Variants in MGAT4D observed in about 807,000 individuals in gnomAD.
MGAT4D encodes the protein MGAT4 family member D.
MGAT4D carries 34 observed loss-of-function variants against 15.9 expected under a neutral mutation model. The observed-to-expected ratio is 2.14, with a 90% CI of 1.62 to 2.84. MGAT4D has a LOEUF of 2.84. Among genes scored for constraint, MGAT4D ranks in the 30% most tolerant of loss-of-function variants. The probability of loss-of-function intolerance (pLI) is 0.00; values close to 1 mark genes in which losing one functional copy is unlikely to be tolerated. For synonymous variants in MGAT4D, 112 were observed against 48.2 expected, an observed-to-expected ratio of 2.33 and a Z score of -5.49; for missense variants, 327 against 140.2, an observed-to-expected ratio of 2.33 and a Z score of -6.73.
intron 5 of MGAT4D, among the ~76,000 whole-genome samples, chr4:140,466,284 C>T (rs1594468): frequency 0.25 from 38,175 of 151,910 alleles, 4,915 homozygotes; most frequent in South Asian, 0.38. Flanking sequence ...GAAGGTGAAC[C>T]TAACTGACAA....
chr4:140,456,054 C>A (rs1730774842), intron 9 of MGAT4D, among the ~76,000 whole-genome samples: 1 of 152,058 alleles, frequency 6.6e-6, no homozygotes, highest in South Asian at 2.1e-4. Context: ...GGAGGATCAC[C>A]TGAGCCCAGG....
chr4:140,498,091 CGGCGGGAAAGGA>C, intron 1 of MGAT4D, 26 bp downstream of exon 1: 1 of 694,576 alleles, frequency 1.4e-6, no homozygotes, highest in South Asian at 1.5e-5. Flanking sequence ...GAAGCCCCCG[CGGCGGGAAAGGA>C]GGCGGGAGGA....
intron 10 of MGAT4D, among the ~76,000 whole-genome samples, 191 bp from the exon 11 acceptor site, chr4:140,443,635 T>C (rs1199549955): frequency 6.6e-6 from 1 of 152,112 alleles, no homozygotes; most frequent in Non-Finnish European, 1.5e-5. Flanking sequence ...TATTAGACAA[T>C]GCCAATTTTA....
intron 10 of MGAT4D, 50 bp downstream of exon 10, chr4:140,451,360 T>C: frequency 2.0e-6 from 1 of 509,806 alleles, no homozygotes; most frequent in East Asian, 3.1e-5. Flanking sequence ...TAGTATTTTA[T>C]AAGTTTATAA....
In MGAT4D at chr4:140,443,271, T is replaced by G. The variant is rs781686478; in HGVS notation, c.*165A>C. The G allele has an allele frequency of 3.3e-6, 1 of 303,648 alleles. No individual in the cohort carries two copies. The highest frequency in any genetic ancestry group is 6.0e-6 in the Non-Finnish European group (1 of 166,454). 18.8% of individuals were successfully genotyped at this position (303,648 alleles called of 1,614,324 possible). The stretch of plus-strand genomic sequence containing the variant: ...AGCAATATAAATGTTCTACCTTGTC[T>G]TGACATAAGAAGTCATTTAGTACTT... On this transcript the variant is annotated 3_prime_UTR_variant, in exon 11 of 11. Transcript: ENST00000511113.
chr4:140,451,416 A>C lies in MGAT4D; in HGVS notation c.1110T>G (p.Tyr370Ter), dbSNP rs1310894249. The C allele has an allele frequency of 5.0e-6, 3 of 596,280 alleles. No homozygotes were observed. The allele number at this position is 596,280 out of a possible 1,614,324, so 36.9% of individuals were successfully genotyped here. A position where few individuals can be genotyped will look rare whatever the true frequency, so the allele number is the denominator to read the frequency against. ...IHSSFPRKEQ[Y>*]EKKI ...TTACATTTCAAAATCTTACTTTTTCATATTGTTCTTTTCTAGGGAATGATG... is the reference window on the plus strand; with the variant it reads ...TTACATTTCAAAATCTTACTTTTTCCTATTGTTCTTTTCTAGGGAATGATG... The change falls in exon 10 of 11, where the codon TAT becomes TAG. Residue 370 changes from tyrosine (Y) to a stop codon, truncating the protein, a stop_gained. Coordinates refer to ENST00000511113, the MANE Select transcript of MGAT4D (RefSeq NM_001277353.2). LOFTEE classifies it high-confidence loss of function.
At chr4:140,455,317 C>A (rs1241230298) in intron 9 of MGAT4D, among the ~76,000 whole-genome samples, 3 of 152,158 alleles carry the variant, frequency 2.0e-5, no homozygotes, top group South Asian at 2.1e-4. Flanking sequence ...TTTGAAACTT[C>A]TTCCTTCACC....
At chr4:140,450,344 G>A (rs760547180) in intron 10 of MGAT4D, among the ~76,000 whole-genome samples, 4 of 151,910 alleles carry the variant, frequency 2.6e-5, no homozygotes, top group Middle Eastern at 3.2e-3. Flanking sequence ...AAAGAATCCC[G>A]TTATAATAGC....
chr4:140,479,634 G>GA lies in MGAT4D; in HGVS notation c.254-8dup, dbSNP rs112616154. On this transcript the variant is annotated splice_polypyrimidine_tract_variant and splice_region_variant and intron_variant, in intron 2 of 10. Coordinates refer to ENST00000511113, the MANE Select transcript of MGAT4D (RefSeq NM_001277353.2). ...ATGTCTGCTTTCTGTGCAACTGAAA[G>GA]AAAAAAATAATGCTTCTGAGTATAT... 0.11 allele frequency: 49,184 copies of GA among 441,818 alleles called. 3,762 individuals carry two copies. Among genetic ancestry groups the GA allele is most frequent in the East Asian group, 0.3 (8,421 of 28,162 alleles). The allele number at this position is 441,818 out of a possible 1,614,324, so 27.4% of individuals were successfully genotyped here.
rs760433302 is a variant in MGAT4D, at chr4:140,464,961, A to G, written c.621T>C (p.Pro207=). The part of the protein sequence containing the change: ...RSGSLEVISI[P]AFLYSSMLNA... Reference sequence around the variant, plus strand: ...TTAACATGCTTGAGTATAAAAAGGCAGGTATTGAAATGACCTCTAAGGATC... The same window carrying G: ...TTAACATGCTTGAGTATAAAAAGGCGGGTATTGAAATGACCTCTAAGGATC... Residue 207 remains proline (P), a synonymous_variant, in exon 6 of 11, where the codon CCT becomes CCC. Transcript: ENST00000511113. The G allele has an allele frequency of 1.4e-6, 1 of 702,896 alleles. No individual in the cohort carries two copies. The highest frequency in any genetic ancestry group is 1.5e-5 in the South Asian group (1 of 67,590). 43.5% of individuals were successfully genotyped at this position (702,896 alleles called of 1,614,324 possible). A position where few individuals can be genotyped will look rare whatever the true frequency, so the allele number is the denominator to read the frequency against.
intron 5 of MGAT4D, among the ~76,000 whole-genome samples, chr4:140,466,875 A>G (rs17005971): frequency 0.19 from 29,388 of 152,056 alleles, 2,915 homozygotes; most frequent in South Asian, 0.28. Flanking sequence ...TGGGGTTGGA[A>G]TAGCATATTG....
intron 5 of MGAT4D, among the ~76,000 whole-genome samples, chr4:140,471,371 C>T (rs575537004): frequency 6.6e-6 from 1 of 152,078 alleles, no homozygotes; most frequent in African/African-American, 2.4e-5. Flanking sequence ...TCCACAGCAT[C>T]TTGCTTGATA....
intron 6 of MGAT4D, among the ~76,000 whole-genome samples, chr4:140,462,248 T>G (rs201495096): frequency 1.3e-5 from 2 of 152,330 alleles, no homozygotes; most frequent in East Asian, 3.9e-4. Context: ...CCCATTTGTT[T>G]TACATTTCTA....
chr4:140,478,162 T>C (rs933679811), intron 3 of MGAT4D, among the ~76,000 whole-genome samples: 4 of 152,172 alleles, frequency 2.6e-5, no homozygotes, highest in African/African-American at 7.2e-5. Flanking sequence ...TGGAGATCAA[T>C]AAATTGTTGG....
intron 1 of MGAT4D, among the ~76,000 whole-genome samples, chr4:140,483,647 G>A (rs1024487728): frequency 6.6e-6 from 1 of 152,026 alleles, no homozygotes; most frequent in Admixed American, 6.6e-5. Context: ...AAACAGCATG[G>A]TACTGGCATA....
intron 4 of MGAT4D, among the ~76,000 whole-genome samples, 168 bp downstream of exon 4, chr4:140,474,645 G>A (rs11933012): frequency 1.3e-4 from 20 of 152,054 alleles, no homozygotes; most frequent in South Asian, 2.1e-4. Flanking sequence ...CAGCAGTATC[G>A]AAGAAGTATT....
chr4:140,467,886 A>G (rs978500059), intron 5 of MGAT4D, among the ~76,000 whole-genome samples: 1 of 152,038 alleles, frequency 6.6e-6, no homozygotes, highest in Non-Finnish European at 1.5e-5. Flanking sequence ...AAAATTATAT[A>G]GTTTCAATCT....
intron 1 of MGAT4D, among the ~76,000 whole-genome samples, chr4:140,492,718 A>G (rs1342668971): frequency 6.6e-6 from 1 of 152,184 alleles, no homozygotes; most frequent in East Asian, 1.9e-4. Context: ...TCCTTGAACC[A>G]CAAGTCTTGC....
At chr4:140,475,784 A>G (rs1245823866) in intron 3 of MGAT4D, among the ~76,000 whole-genome samples, 4 of 148,250 alleles carry the variant, frequency 2.7e-5, no homozygotes, top group Admixed American at 6.7e-5. Flanking sequence ...GTTTGAACAT[A>G]TCTTCACATG....
Sources: allele counts gnomAD v4.1 joint callset (sites outside exome capture counted in the v4.1 genomes callset), GRCh38; gene constraint gnomAD v4.1.1; transcripts MANE v1.5; gene names NCBI Gene and HGNC (gene_info 2026-07-23, HGNC 2026-07-21).